The following TMCO1 variants were observed in gnomAD, a reference collection of about 807,000 sequenced individuals.
The protein encoded by TMCO1 is calcium load-activated calcium channel.
In TMCO1, 29 loss-of-function variants were observed where a neutral mutation model predicts 29.3. That is an observed-to-expected ratio of 0.99 (90% CI 0.74 to 1.35). The LOEUF is 1.35. Among genes scored for constraint, TMCO1 ranks in the 40% most tolerant of loss-of-function variants. The pLI, the probability that TMCO1 is intolerant of heterozygous loss-of-function variation, is 0.00. For synonymous variants in TMCO1, 80 were observed against 77.1 expected (o/e 1.04, Z -0.20); for missense variants, 173 against 225.5 (o/e 0.77, Z 1.49).
chr1:165,759,376 T>G (rs987229263), intron 3 of TMCO1, 149 bp downstream of exon 3: 1 of 640,134 alleles, frequency 1.6e-6, no homozygotes, highest in South Asian at 2.0e-5. Context: ...TGGGTAAGAA[T>G]CAAGTGAGAT....
chr1:165,759,127 T>C (rs1652305777), intron 3 of TMCO1, among the ~76,000 whole-genome samples: 1 of 152,176 alleles, frequency 6.6e-6, no homozygotes, highest in Non-Finnish European at 1.5e-5. Flanking sequence ...TTCCTACCCC[T>C]TGGTGGATTT....
intron 2 of TMCO1, among the ~76,000 whole-genome samples, chr1:165,760,853 T>A (rs1652375305): frequency 6.6e-6 from 1 of 152,134 alleles, no homozygotes; most frequent in South Asian, 2.1e-4. Flanking sequence ...TATATTATAT[T>A]TACCATCTTT....
At chr1:165,734,839 T>G (rs550457281) in intron 6 of TMCO1, among the ~76,000 whole-genome samples, 1 of 152,192 alleles carries the variant, frequency 6.6e-6, no homozygotes, top group East Asian at 1.9e-4. Context: ...GTTTTGTTTT[T>G]TTGCACACAA....
chr1:165,727,232 A>G lies in TMCO1; in HGVS notation c.*791T>C, dbSNP rs1289073993. 1 of 453,734 alleles carries G rather than the reference A, an allele frequency of 2.2e-6. No homozygotes were observed. The allele number at this position is 453,734 out of a possible 1,614,324, so 28.1% of individuals were successfully genotyped here. On this transcript the variant is annotated 3_prime_UTR_variant, in exon 7 of 7. Coordinates refer to ENST00000367881, the MANE Select transcript of TMCO1 (RefSeq NM_019026.6). ...AAGAGTGCCCCCACAAGAATCTGAG[A>G]GACTGTAATAGGATATGAAGAGAAC...
chr1:165,759,231 C>A (rs1306209497), intron 3 of TMCO1, among the ~76,000 whole-genome samples: 1 of 152,098 alleles, frequency 6.6e-6, no homozygotes, highest in Non-Finnish European at 1.5e-5. Context: ...TAAAAAACAA[C>A]ATGCTTTTAC....
At chr1:165,743,382 A>C in intron 5 of TMCO1, 71 bp from the exon 6 acceptor site, 4 of 1,510,196 alleles carry the variant, frequency 2.6e-6, no homozygotes, top group South Asian at 2.4e-5. Context: ...CCAAAGAAGA[A>C]TCTGGGACAG....
chr1:165,737,611 AGTG>A (rs1651440191), intron 6 of TMCO1, among the ~76,000 whole-genome samples: 1 of 152,248 alleles, frequency 6.6e-6, no homozygotes, highest in South Asian at 2.1e-4. Context: ...GCTAGAGAAA[AGTG>A]ACATTACTTA....
At chr1:165,731,392 C>A (rs1651156490) in intron 6 of TMCO1, among the ~76,000 whole-genome samples, 1 of 152,132 alleles carries the variant, frequency 6.6e-6, no homozygotes, top group Non-Finnish European at 1.5e-5. Context: ...AAATTTGAAA[C>A]AGTAAGACAT....
chr1:165,744,812 AT>A (rs1038495292), intron 5 of TMCO1, among the ~76,000 whole-genome samples: 5 of 138,594 alleles, frequency 3.6e-5, no homozygotes, highest in Admixed American at 7.2e-5. Flanking sequence ...AAAAAAAAAA[AT>A]TTCAATTCTA....
At chr1:165,746,798 A>G (rs1424802604) in intron 5 of TMCO1, among the ~76,000 whole-genome samples, 1 of 152,160 alleles carries the variant, frequency 6.6e-6, no homozygotes, top group African/African-American at 2.4e-5. Context: ...GCACAATAGA[A>G]CTAGAGAACA....
chr1:165,730,956 G>A (rs1651138474), intron 6 of TMCO1, among the ~76,000 whole-genome samples: 1 of 151,606 alleles, frequency 6.6e-6, no homozygotes, highest in African/African-American at 2.4e-5. Flanking sequence ...CTGGAGTGCA[G>A]TGGTGCGATC....
At chr1:165,735,078 A>G (rs1651316328) in intron 6 of TMCO1, among the ~76,000 whole-genome samples, 1 of 152,156 alleles carries the variant, frequency 6.6e-6, no homozygotes, top group Non-Finnish European at 1.5e-5. Flanking sequence ...TCTTAGGTTG[A>G]TCAAAGGCCC....
downstream of TMCO1, chr1:165,726,391 C>T (rs1650891996): frequency 9.3e-6 from 6 of 643,072 alleles, no homozygotes; most frequent in Non-Finnish European, 1.7e-5. Flanking sequence ...CTTTAGAGAG[C>T]TCACACACTC....
intron 6 of TMCO1, among the ~76,000 whole-genome samples, chr1:165,741,968 A>G (rs1390165007): frequency 6.6e-6 from 1 of 152,254 alleles, no homozygotes; most frequent in Non-Finnish European, 1.5e-5. Context: ...CTACAGAGCC[A>G]TAAGCCAATT....
At chr1:165,749,033 T>C (rs984432086) in intron 5 of TMCO1, among the ~76,000 whole-genome samples, 18 of 152,234 alleles carry the variant, frequency 1.2e-4, no homozygotes, top group Non-Finnish European at 1.3e-4. Flanking sequence ...TTTTTAGCAC[T>C]GAATAATATT....
chr1:165,757,841 G>T (rs1318973468), intron 3 of TMCO1, among the ~76,000 whole-genome samples: 1 of 152,092 alleles, frequency 6.6e-6, no homozygotes, highest in Non-Finnish European at 1.5e-5. Flanking sequence ...TTTCTGGGGT[G>T]AGCAAACAAT....
intron 6 of TMCO1, among the ~76,000 whole-genome samples, chr1:165,732,104 T>C (rs541973565): frequency 5.4e-4 from 82 of 152,284 alleles, no homozygotes; most frequent in Admixed American, 7.8e-4. Flanking sequence ...AGGAACTAAG[T>C]GATGGTCTCA....
At chr1:165,731,252 AT>A (rs914788466) in intron 6 of TMCO1, among the ~76,000 whole-genome samples, 5 of 152,296 alleles carry the variant, frequency 3.3e-5, no homozygotes, top group African/African-American at 1.2e-4. Flanking sequence ...TAAAAAACCC[AT>A]TACACAAAGC....
Sources: allele counts gnomAD v4.1 joint callset (sites outside exome capture counted in the v4.1 genomes callset), GRCh38; gene constraint gnomAD v4.1.1; transcripts MANE v1.5; gene names NCBI Gene and HGNC (gene_info 2026-07-23, HGNC 2026-07-21).